The following HIVEP2 variants were observed in gnomAD, a reference collection of about 807,000 sequenced individuals.
HIVEP2 encodes transcription factor HIVEP2.
In HIVEP2, 14 loss-of-function variants were observed where a neutral mutation model predicts 180.7. The observed-to-expected ratio is 0.08, with a 90% CI of 0.05 to 0.12. The LOEUF is 0.12. Among genes scored for constraint, HIVEP2 ranks in the 10% least tolerant of loss-of-function variants. The pLI, the probability that HIVEP2 is intolerant of heterozygous loss-of-function variation, is 1.00. For synonymous variants in HIVEP2, 1,184 were observed against 1,136.4 expected (o/e 1.04, Z -0.84); for missense variants, 2,579 against 3,008.5 (o/e 0.86, Z 3.34).
chr6:142,867,952 G>A (rs1339428522), intron 1 of HIVEP2, among the ~76,000 whole-genome samples: 1 of 152,062 alleles, frequency 6.6e-6, no homozygotes, highest in Non-Finnish European at 1.5e-5. Context: ...CAGTCTCACG[G>A]TCATCCATTG....
In HIVEP2 at chr6:142,770,901, G is replaced by A. The variant is rs754722392; in HGVS notation, c.3838C>T (p.Pro1280Ser). 1.9e-6 allele frequency: 3 copies of A among 1,614,150 alleles called. No individual in the cohort carries two copies. The highest frequency in any genetic ancestry group is 2.5e-6 in the Non-Finnish European group (3 of 1,180,020). Residue 1280 changes from proline to serine, a missense_variant, in exon 5 of 10, where the codon CCA becomes TCA. Physicochemically the swap from Pro to Ser is moderately conservative, Grantham distance 74. This residue lies in a region of HIVEP2 where 523 missense variants were observed against 577.0 expected (regional missense o/e 0.91). Coordinates refer to ENST00000367603, the MANE Select transcript of HIVEP2 (RefSeq NM_006734.4). This position sits in a 1 kb window ranked among gnomAD's most constrained non-coding sequence, Gnocchi z 4.7. ...AGCCCTGATGCTCCTGAATAACATG[G>A]GTAGGTCTGCTCTTTCGTGTGTGCA... ...EYAHTKEQTY[P>S]CYSGASGLHP... is the part of the protein sequence containing the mutation.
chr6:142,911,990 C>T (rs1777421487), intron 1 of HIVEP2, among the ~76,000 whole-genome samples: 1 of 152,172 alleles, frequency 6.6e-6, no homozygotes, highest in Admixed American at 6.5e-5. Context: ...AAGTCTCTGA[C>T]TTTGTGATTT....
chr6:142,843,146 T>C (rs947243560), intron 1 of HIVEP2, among the ~76,000 whole-genome samples: 1 of 152,188 alleles, frequency 6.6e-6, no homozygotes, highest in Non-Finnish European at 1.5e-5. Context: ...GTTAAAAATA[T>C]GGGTTCTGAT....
In HIVEP2 at chr6:142,770,582, C is replaced by T; in HGVS notation, c.4157G>A (p.Gly1386Glu). 1 of 1,614,194 alleles carries T rather than the reference C, an allele frequency of 6.2e-7. No individual in the cohort carries two copies. Among genetic ancestry groups the T allele is most frequent in the Non-Finnish European group, 8.5e-7 (1 of 1,180,040 alleles). Residue 1386 changes from glycine to glutamate, a missense_variant, in exon 5 of 10, where the codon GGG (glycine) becomes GAG (glutamate). Coordinates refer to ENST00000367603, the MANE Select transcript of HIVEP2 (RefSeq NM_006734.4). The surrounding 1 kb of genome is among the most constrained non-coding windows in gnomAD (Gnocchi z 4.7). The part of the protein sequence containing the change: ...RTLVTNAAMQ[G>E]IGFNIAQVLG... ...CACCTGGGCAATGTTGAATCCTATC[C>T]CTTGCATGGCTGCGTTGGTGACCAG...
chr6:142,945,131 G>C lies in HIVEP2; in HGVS notation c.-673C>G, dbSNP rs1020722047. ...CGGGCCGCCGCCGGCCGCCGCAGCC[G>C]CAGCGGTGGCCGGGCCGTGCGCGCC... On this transcript the variant is annotated 5_prime_UTR_variant, in exon 1 of 10. Transcript: ENST00000367603. The surrounding 1 kb of genome is among the most constrained non-coding windows in gnomAD (Gnocchi z 5.5). 1 of 148,924 alleles carries C rather than the reference G, an allele frequency of 6.7e-6. No individual in the cohort carries two copies. Among genetic ancestry groups the C allele is most frequent in the Non-Finnish European group, 1.5e-5 (1 of 67,134 alleles). The allele number at this position is 148,924 out of a possible 1,614,324, so 9.2% of individuals were successfully genotyped here. A position where few individuals can be genotyped will look rare whatever the true frequency, so the allele number is the denominator to read the frequency against.
intron 2 of HIVEP2, among the ~76,000 whole-genome samples, chr6:142,797,576 C>A (rs569631054): frequency 1.3e-5 from 2 of 152,226 alleles, no homozygotes; most frequent in East Asian, 3.9e-4. Flanking sequence ...ACAAAATACC[C>A]CCTTATTCCC....
Position 142,753,342 on chromosome 6 carries a change from A to G in HIVEP2, c.7106T>C (p.Ile2369Thr). Reference sequence around the variant, plus strand: ...TGGCTCAGGTCTACTAAAGTGTCTAATGCTAACATGTGCACTTCCCAGGGG... The same window carrying G: ...TGGCTCAGGTCTACTAAAGTGTCTAGTGCTAACATGTGCACTTCCCAGGGG... ...QNPLGSAHVS[I>T]RHFSRPEPGQ... The change falls in exon 10 of 10, where the codon ATT becomes ACT. Residue 2369 changes from isoleucine to threonine, a missense_variant. Ile to Thr is a moderately conservative substitution (Grantham distance 89). Around this residue, in one of 11 missense-constraint regions of HIVEP2, gnomAD observed 660 missense variants for 731.7 expected, o/e 0.90. Transcript: ENST00000367603. 6.2e-7 allele frequency: 1 copy of G among 1,614,152 alleles called. No homozygotes were observed. Among genetic ancestry groups the G allele is most frequent in the Non-Finnish European group, 8.5e-7 (1 of 1,180,028 alleles).
intron 3 of HIVEP2, among the ~76,000 whole-genome samples, chr6:142,781,301 A>G (rs960982879): frequency 6.6e-6 from 1 of 152,210 alleles, no homozygotes; most frequent in Non-Finnish European, 1.5e-5. Context: ...GCGAGTCGTC[A>G]CTTTATTCAC....
Position 142,760,356 on chromosome 6 carries a change from T to C in HIVEP2, c.5932A>G (p.Ile1978Val), listed in dbSNP as rs1286295474. Residue 1978 changes from isoleucine (I) to valine (V), a missense_variant, in exon 9 of 10, where the codon ATT becomes GTT. Ile to Val is a conservative substitution (Grantham distance 29). Transcript: ENST00000367603. ...LISYLVTLPS[I>V]RVTQLMTPSD... Reference sequence around the variant, plus strand: ...GGTGTCATAAGCTGAGTAACTCGAATACTTGGCAAAGTAACCAAATAGCTG... The same window carrying C: ...GGTGTCATAAGCTGAGTAACTCGAACACTTGGCAAAGTAACCAAATAGCTG... 2 of 1,614,260 alleles carry C rather than the reference T, an allele frequency of 1.2e-6. No homozygotes were observed. Among genetic ancestry groups the C allele is most frequent in the South Asian group, 1.1e-5 (1 of 91,088 alleles).
intron 1 of HIVEP2, among the ~76,000 whole-genome samples, chr6:142,842,099 C>T (rs999615583): frequency 6.6e-6 from 1 of 152,110 alleles, no homozygotes; most frequent in African/African-American, 2.4e-5. Flanking sequence ...AGAATATTTA[C>T]ATGACAAAGC....
At chr6:142,762,571 A>G (rs1218118700) in intron 7 of HIVEP2, among the ~76,000 whole-genome samples, 1 of 152,024 alleles carries the variant, frequency 6.6e-6, no homozygotes, top group Non-Finnish European at 1.5e-5. Context: ...CCTTTACATC[A>G]CTTCAGTGAA....
At position 142,771,797 on chromosome 6, in the gene HIVEP2, A is replaced by G. The variant is rs977872425; in HGVS notation, c.2942T>C (p.Met981Thr). 6.2e-7 allele frequency: 1 copy of G among 1,614,224 alleles called. No homozygotes were observed. The highest frequency in any genetic ancestry group is 1.1e-5 in the South Asian group (1 of 91,082). The change falls in exon 5 of 10, where the codon ATG becomes ACG. Residue 981 changes from methionine (M) to threonine (T), a missense_variant. Met to Thr is a moderately conservative substitution (Grantham distance 81, BLOSUM62 -1). Transcript: ENST00000367603. This position sits in a 1 kb window ranked among gnomAD's most constrained non-coding sequence, Gnocchi z 5.4. ...ACTGGTTTCTTCTCTTTCAAAAGAC[A>G]TGGAGAAACTGGAGCTGTGGGACAA... ...SNLSHSSSFS[M>T]SFEREETSKL... is the part of the protein sequence containing the mutation.
chr6:142,878,775 G>A (rs1562275926), intron 1 of HIVEP2, among the ~76,000 whole-genome samples: 1 of 152,140 alleles, frequency 6.6e-6, no homozygotes, highest in African/African-American at 2.4e-5. Flanking sequence ...TAGGGACACT[G>A]AGAGGCCTCT....
chr6:142,754,319 AT>A (rs398110782), intron 9 of HIVEP2, among the ~76,000 whole-genome samples: 53 of 151,412 alleles, frequency 3.5e-4, no homozygotes, highest in Non-Finnish European at 4.1e-4. Context: ...CATTAATAAT[AT>A]TTTTTTTAAT....
chr6:142,843,202 G>A (rs1378558034), intron 1 of HIVEP2, among the ~76,000 whole-genome samples: 3 of 152,096 alleles, frequency 2.0e-5, no homozygotes, highest in Admixed American at 1.3e-4. Flanking sequence ...TGATAAGTTC[G>A]CTGGTCTACA....
At chr6:142,928,343 A>G (rs1331756701) in intron 1 of HIVEP2, among the ~76,000 whole-genome samples, 2 of 152,224 alleles carry the variant, frequency 1.3e-5, no homozygotes, top group Non-Finnish European at 2.9e-5. Context: ...TTGACAAGAA[A>G]TTAATCTTAA....
intron 2 of HIVEP2, among the ~76,000 whole-genome samples, chr6:142,785,939 T>G (rs1341650712): frequency 1.3e-5 from 2 of 152,174 alleles, no homozygotes; most frequent in Non-Finnish European, 2.9e-5. Flanking sequence ...AAGATGCAAA[T>G]AATATTAGCA....
chr6:142,814,972 G>A (rs889223856), intron 2 of HIVEP2, among the ~76,000 whole-genome samples: 1 of 152,102 alleles, frequency 6.6e-6, no homozygotes, highest in African/African-American at 2.4e-5. Context: ...TGGAAACTAG[G>A]AAGTCTAAGA....
chr6:142,764,981 TA>T lies in HIVEP2; in HGVS notation c.5343-8del, dbSNP rs1419105861. The T allele has an allele frequency of 3.1e-6, 5 of 1,595,112 alleles. No homozygotes were observed. Among genetic ancestry groups the T allele is most frequent in the Non-Finnish European group, 4.3e-6 (5 of 1,165,808 alleles). On this transcript the variant is annotated splice_region_variant and splice_polypyrimidine_tract_variant and intron_variant, in intron 6 of 9. Transcript: ENST00000367603. ...ATCTTCATTCGATTTGTACCTGTTT[TA>T]AAAAGAGGGAATCCAGTGTGTTTTC...
Sources: gnomAD v4.1 joint callset for allele counts (sites outside exome capture counted in the v4.1 genomes callset) on GRCh38, gnomAD v4.1.1 for gene constraint, gnomAD v4.1.1 regional missense constraint, Gnocchi (gnomAD v3.1) non-coding constraint, MANE v1.5 for transcripts, NCBI Gene and HGNC (gene_info 2026-07-23, HGNC 2026-07-21) for gene names.